The following DGKZ variants were observed in gnomAD, a reference collection of about 807,000 sequenced individuals.
DGKZ encodes the protein DAG kinase zeta.
In DGKZ, 45 loss-of-function variants were observed where a neutral mutation model predicts 142.5. The ratio of observed to expected loss-of-function variants is 0.32; its 90% CI spans 0.25 to 0.40. The LOEUF (loss-of-function observed/expected upper bound fraction) is 0.40. Among genes scored for constraint, DGKZ ranks in the 10% least tolerant of loss-of-function variants. The pLI is 1.00. For synonymous variants in DGKZ, 442 were observed against 527.0 expected (o/e 0.84, Z 2.21); for missense variants, 755 against 1,306.5 (o/e 0.58, Z 6.51).
chr11:46,372,325 C>T lies in DGKZ; in HGVS notation c.928-103C>T. ...AATCCTGTCCTTTCTCCACCCCTCA[C>T]CCCTTATTGGCCCTGGTTCCCACAG... is the stretch of plus-strand genomic sequence containing the variant. On this transcript the variant is annotated intron_variant, in intron 10 of 30. Transcript: ENST00000527911. The surrounding 1 kb of genome is among the most constrained non-coding windows in gnomAD (Gnocchi z 5.9). 1.4e-6 allele frequency: 2 copies of T among 1,392,826 alleles called. No individual in the cohort carries two copies. Among genetic ancestry groups the T allele is most frequent in the Non-Finnish European group, 2.0e-6 (2 of 993,062 alleles). The allele number at this position is 1,392,826 out of a possible 1,614,324, so 86.3% of individuals were successfully genotyped here.
intron 1 of DGKZ, among the ~76,000 whole-genome samples, chr11:46,355,972 C>T (rs898317927): frequency 2.0e-5 from 3 of 152,038 alleles, no homozygotes; most frequent in Non-Finnish European, 2.9e-5. Flanking sequence ...TCTCGAGCTC[C>T]TGACCTCAGG....
At position 46,356,628 on chromosome 11, in the gene DGKZ, C is replaced by T. The variant is rs142032864; in HGVS notation, c.161+8808C>T. Among the ~76,000 whole-genome samples the T allele has an allele frequency of 3.4e-3, 524 of 152,158 alleles. 3 individuals are homozygous for T. Among genetic ancestry groups the T allele is most frequent in the African/African-American group, 0.012 (510 of 41,506 alleles). ...GACCACCGGATGCCACGTGGTGCCA[C>T]GTGGAAAAGGGACCCGCGGTGTTTT... On this transcript the variant is annotated intron_variant, in intron 1 of 30. Coordinates refer to ENST00000527911, the Ensembl canonical transcript of DGKZ.
At position 46,373,611 on chromosome 11, in the gene DGKZ, C is replaced by T. The variant is rs767379132; in HGVS notation, c.1326+510C>T. Among the ~76,000 whole-genome samples, 4 of 152,002 alleles carry T rather than the reference C, an allele frequency of 2.6e-5. No homozygotes were observed. In the East Asian group the frequency reaches 5.8e-4, roughly 22 times the overall value. On this transcript the variant is annotated intron_variant, in intron 14 of 30. Transcript: ENST00000527911. Reference sequence around the variant, plus strand: ...CTCCCGGGCTCAAGCTATTCTCCTCCGTCAGCCTCCTGAGTAGCTGGGACT... The same window carrying T: ...CTCCCGGGCTCAAGCTATTCTCCTCTGTCAGCCTCCTGAGTAGCTGGGACT...
Position 46,347,816 on chromosome 11 carries a change from C to A in DGKZ, c.157C>A (p.His53Asn). Reference sequence around the variant, plus strand: ...CTTCCCGGGGCTGCGGCTCTTCGGGCACAGGTGAGCGGGGCGGCGGCGGGG... The same window carrying A: ...CTTCCCGGGGCTGCGGCTCTTCGGGAACAGGTGAGCGGGGCGGCGGCGGGG... The change falls in exon 1 of 31, where the codon CAC becomes AAC. Residue 53 changes from histidine (H) to asparagine (N), a missense_variant. Around this residue, in one of 8 missense-constraint regions of DGKZ, gnomAD observed 81 missense variants for 86.5 expected, o/e 0.94. Coordinates refer to ENST00000527911, the Ensembl canonical transcript of DGKZ. The surrounding 1 kb of genome is among the most constrained non-coding windows in gnomAD (Gnocchi z 6.4). 1 of 1,300,626 alleles carries A rather than the reference C, an allele frequency of 7.7e-7. No individual in the cohort carries two copies. The highest frequency in any genetic ancestry group is 9.8e-7 in the Non-Finnish European group (1 of 1,021,276). The allele number at this position is 1,300,626 out of a possible 1,614,324, so 80.6% of individuals were successfully genotyped here. A position where few individuals can be genotyped will look rare whatever the true frequency, so the allele number is the denominator to read the frequency against.
In DGKZ at chr11:46,372,903, G is replaced by T. The variant is rs777950924; in HGVS notation, c.1185+19G>T. ...GGGTGGGGTAAGCACCCATAGGAGG[G>T]GGGTGCAGCTGGGGCCTCTCCAGCC... On this transcript the variant is annotated intron_variant, in intron 13 of 30. Transcript: ENST00000527911. The surrounding 1 kb of genome is among the most constrained non-coding windows in gnomAD (Gnocchi z 5.9). 5.1e-6 allele frequency: 8 copies of T among 1,564,860 alleles called. No individual in the cohort carries two copies. Among genetic ancestry groups the T allele is most frequent in the Non-Finnish European group, 6.9e-6 (8 of 1,154,580 alleles).
In DGKZ at chr11:46,367,815, TG is replaced by T; in HGVS notation, c.366+71del. The T allele has an allele frequency of 6.3e-7, 1 of 1,594,656 alleles. No homozygotes were observed. Among genetic ancestry groups the T allele is most frequent in the Non-Finnish European group, 8.6e-7 (1 of 1,164,578 alleles). On this transcript the variant is annotated intron_variant, in intron 3 of 30. Coordinates refer to ENST00000527911, the Ensembl canonical transcript of DGKZ. This position sits in a 1 kb window ranked among gnomAD's most constrained non-coding sequence, Gnocchi z 4.1. ...AGTAGCCGCAGCCCTTCCGGGAACG[TG>T]GGATTGAGCCCGCTCCCTGGCACCC...
At position 46,347,745 on chromosome 11, in the gene DGKZ, C is replaced by G; in HGVS notation, c.86C>G (p.Ala29Gly). 1 of 1,449,452 alleles carries G rather than the reference C, an allele frequency of 6.9e-7. No homozygotes were observed. Among genetic ancestry groups the G allele is most frequent in the Non-Finnish European group, 9.1e-7 (1 of 1,104,596 alleles). The allele number at this position is 1,449,452 out of a possible 1,614,324, so 89.8% of individuals were successfully genotyped here. The change falls in exon 1 of 31, where the codon GCC becomes GGC. Residue 29 changes from alanine to glycine, a missense_variant. Transcript: ENST00000527911. This position sits in a 1 kb window ranked among gnomAD's most constrained non-coding sequence, Gnocchi z 6.4. ...TCGTCCAGCGGCTCCGAGCGCGACG[C>G]CGGTCCCGAGCCGGACAAGGCGCCG... is the stretch of plus-strand genomic sequence containing the variant.
chr11:46,355,965 C>G (rs1038084617), intron 1 of DGKZ, among the ~76,000 whole-genome samples: 3 of 152,126 alleles, frequency 2.0e-5, no homozygotes, highest in Non-Finnish European at 2.9e-5. Context: ...AAGCTGGTCT[C>G]GAGCTCCTGA....
At position 46,379,241 on chromosome 11, in the gene DGKZ, G is replaced by A; in HGVS notation, c.2573+5G>A. On this transcript the variant is annotated splice_donor_5th_base_variant and intron_variant, in intron 29 of 30. Coordinates refer to ENST00000527911, the Ensembl canonical transcript of DGKZ. ...CCTTGATGCGGTGGAGGAAAAGTAA[G>A]TATCTGGGCAGTGCAGAACCGTGGT... The A allele has an allele frequency of 6.2e-7, 1 of 1,613,204 alleles. No individual in the cohort carries two copies. The highest frequency in any genetic ancestry group is 8.5e-7 in the Non-Finnish European group (1 of 1,179,942).
intron 1 of DGKZ, among the ~76,000 whole-genome samples, chr11:46,358,437 A>G (rs1265581823): frequency 6.6e-6 from 1 of 152,138 alleles, no homozygotes; most frequent in East Asian, 1.9e-4. Flanking sequence ...CACCATTTGT[A>G]CTTGGACACC....
At chr11:46,378,828 C>T (rs1025529476) in intron 27 of DGKZ, 163 bp from the exon 28 acceptor site, 12 of 1,205,442 alleles carry the variant, frequency 1.0e-5, no homozygotes, top group South Asian at 5.8e-5. Context: ...GCCCCTCCTC[C>T]GGTGTGCTCC....
At chr11:46,357,276 A>C (rs1590464554) in intron 1 of DGKZ, among the ~76,000 whole-genome samples, 1 of 148,206 alleles carries the variant, frequency 6.7e-6, no homozygotes, top group African/African-American at 2.5e-5. Flanking sequence ...CTTGCCCACC[A>C]CCCTCCCCTT....
rs199969245 is a variant in DGKZ at position 46,379,977 on chromosome 11, A to G, written c.*30A>G. 9.9e-4 allele frequency: 1,561 copies of G among 1,578,464 alleles called. 3 individuals are homozygous for G. The highest frequency in any genetic ancestry group is 1.2e-3 in the Non-Finnish European group (1,419 of 1,161,212). The stretch of plus-strand genomic sequence containing the variant: ...CCGCCCACGGGCAGCAGGAGGGACA[A>G]TGCGGCCAGGGGACGAGCGCCTTCC... On this transcript the variant is annotated 3_prime_UTR_variant, in exon 31 of 31. Transcript: ENST00000527911.
chr11:46,379,609 C>A, intron 30 of DGKZ, 41 bp downstream of exon 30: 1 of 1,540,204 alleles, frequency 6.5e-7, no homozygotes, highest in Non-Finnish European at 8.8e-7. Flanking sequence ...GGGCACCAAC[C>A]AAACCTTTCC....
chr11:46,366,395 G>T (rs930032370), intron 1 of DGKZ: 2 of 1,522,156 alleles, frequency 1.3e-6, no homozygotes, highest in African/African-American at 2.8e-5. Context: ...CTCCTCACTG[G>T]CACAGCGGCG....
At chr11:46,377,169 C>G (rs772601666) in exon 25 of DGKZ, 3 of 1,609,100 alleles carry the variant, frequency 1.9e-6, no homozygotes, top group Non-Finnish European at 2.5e-6. Flanking sequence ...CCTCCCAACC[C>G]CCACTTCCCC....
chr11:46,378,169 C>A (rs1007515901), intron 25 of DGKZ, 29 bp from the exon 26 acceptor site: 3 of 1,604,638 alleles, frequency 1.9e-6, no homozygotes, highest in Non-Finnish European at 2.6e-6. Flanking sequence ...GTGCCGTAGC[C>A]GGTCACAGCA....
At chr11:46,378,674 G>A (rs2136519657) in intron 27 of DGKZ, 174 bp downstream of exon 27, 1 of 957,822 alleles carries the variant, frequency 1.0e-6, no homozygotes, top group East Asian at 2.6e-5. Flanking sequence ...TCTCTGTCTA[G>A]GCCACAATAG....
In DGKZ at chr11:46,348,929, T is replaced by C. The variant is rs1051005446; in HGVS notation, c.161+1109T>C. 2.6e-5 allele frequency among the ~76,000 whole-genome samples: 4 copies of C among 152,334 alleles called. No individual in the cohort carries two copies. In the East Asian group the frequency reaches 5.8e-4, roughly 22 times the overall value. On this transcript the variant is annotated intron_variant, in intron 1 of 30. Transcript: ENST00000527911. ...TCTGCCCAAGGCCTCCCTCTCACTT[T>C]TCTGCAGCTGCCTAGACTTGGTGGC... is the stretch of plus-strand genomic sequence containing the variant.
Sources: gnomAD v4.1 joint callset for allele counts (sites outside exome capture counted in the v4.1 genomes callset) on GRCh38, gnomAD v4.1.1 for gene constraint, gnomAD v4.1.1 regional missense constraint, Gnocchi (gnomAD v3.1) non-coding constraint, MANE v1.5 for transcripts, NCBI Gene and HGNC (gene_info 2026-07-23, HGNC 2026-07-21) for gene names.